Variants in ENKUR observed in about 807,000 individuals in gnomAD.
ENKUR encodes the protein enkurin.
ENKUR carries 19 observed loss-of-function variants against 27.6 expected under a neutral mutation model. The observed-to-expected ratio is 0.69, with a 90% CI of 0.48 to 1.01. ENKUR has a LOEUF of 1.01. ENKUR is among the 50% of genes least tolerant of loss of function. ENKUR has a pLI of 0.00. For synonymous variants in ENKUR, 117 were observed against 96.9 expected (o/e 1.21, Z -1.22); for missense variants, 312 against 310.5 (o/e 1.00, Z -0.04).
chr10:25,023,896 G>A (rs1411699664), intron 2 of ENKUR: 1 of 1,614,206 alleles, frequency 6.2e-7, no homozygotes, highest in East Asian at 2.2e-5. Context: ...AAGATACCAA[G>A]ATGTGGACTC....
At chr10:25,055,450 A>G (rs1041339809) in intron 2 of ENKUR, among the ~76,000 whole-genome samples, 1 of 151,300 alleles carries the variant, frequency 6.6e-6, no homozygotes, top group African/African-American at 2.4e-5. Context: ...TGAAAGGCCT[A>G]CACTTCCCAA....
chr10:25,032,440 GTC>G lies in ENKUR; in HGVS notation c.37+28670_37+28671del, dbSNP rs907465483. On this transcript the variant is annotated intron_variant, in intron 2 of 5. Transcript: ENST00000615958. ...TATGCCTAATATCCCAGAATTTGAA[GTC>G]TCTCCGTAGAATAAGCGCTTAATCC... 6.6e-5 allele frequency among the ~76,000 whole-genome samples: 10 copies of G among 152,072 alleles called. 1 individual carries two copies. Among genetic ancestry groups the G allele is most frequent in the Non-Finnish European group, 1.2e-4 (8 of 68,014 alleles).
chr10:24,989,889 C>T (rs1415720710), intron 4 of ENKUR, among the ~76,000 whole-genome samples: 1 of 152,036 alleles, frequency 6.6e-6, no homozygotes, highest in Admixed American at 6.6e-5. Flanking sequence ...TCTTACACCC[C>T]CTAATATTTT....
At position 24,990,454 on chromosome 10, in the gene ENKUR, A is replaced by T. The variant is rs761545853; in HGVS notation, c.594+9T>A. On this transcript the variant is annotated intron_variant, in intron 4 of 5. Transcript: ENST00000331161. ...AGTTACAGATGAATGTAAATGGCAG[A>T]ACACACACCTGCAAAACTGCCTCCC... 1.2e-6 allele frequency: 2 copies of T among 1,605,560 alleles called. No individual in the cohort carries two copies. Among genetic ancestry groups the T allele is most frequent in the Non-Finnish European group, 1.7e-6 (2 of 1,177,834 alleles).
chr10:25,019,922 T>A (rs2132745963), upstream of ENKUR, among the ~76,000 whole-genome samples: 1 of 152,282 alleles, frequency 6.6e-6, no homozygotes, highest in Middle Eastern at 3.4e-3. Context: ...TGTGTAATGC[T>A]TTGGTGAAGT....
At chr10:25,061,193 C>T (rs1851322609) in exon 2 of ENKUR, 2 of 1,527,678 alleles carry the variant, frequency 1.3e-6, no homozygotes, top group Non-Finnish European at 1.8e-6. Context: ...AGGTGTTGGA[C>T]ACGTGTGGCC....
At chr10:25,061,606 A>G (rs767279438) in intron 1 of ENKUR, among the ~76,000 whole-genome samples, 18 of 152,164 alleles carry the variant, frequency 1.2e-4, no homozygotes, top group Non-Finnish European at 1.6e-4. Flanking sequence ...CTATGGCTAA[A>G]CCCAGTCTCA....
chr10:25,056,117 GGCTCAGGAAGGTTAATCA>G (rs1851253173), intron 2 of ENKUR, among the ~76,000 whole-genome samples: 2 of 152,176 alleles, frequency 1.3e-5, no homozygotes, highest in African/African-American at 4.8e-5. Flanking sequence ...AGAAAACTGA[GGCTCAGGAAGGTTAATCA>G]GCTAGCCTGA....
intron 1 of ENKUR, among the ~76,000 whole-genome samples, chr10:25,005,262 T>G (rs573518819): frequency 1.5e-4 from 23 of 152,296 alleles, no homozygotes; most frequent in Admixed American, 1.2e-3. Flanking sequence ...TAAGTTATTC[T>G]CAAACTAAAA....
At chr10:25,048,806 G>A (rs1245687199) in intron 2 of ENKUR, among the ~76,000 whole-genome samples, 1 of 152,066 alleles carries the variant, frequency 6.6e-6, no homozygotes, top group African/African-American at 2.4e-5. Context: ...ATCTCTTGCA[G>A]TTGAGGTCTT....
At chr10:25,054,833 A>T (rs1339059460) in intron 2 of ENKUR, among the ~76,000 whole-genome samples, 1 of 151,822 alleles carries the variant, frequency 6.6e-6, no homozygotes, top group East Asian at 1.9e-4. Context: ...CATGCCACAA[A>T]GCCTGGCTAG....
intron 2 of ENKUR, chr10:25,025,891 A>C (rs1396512420): frequency 5.9e-6 from 1 of 169,708 alleles, no homozygotes; most frequent in Non-Finnish European, 1.4e-5. Flanking sequence ...AGGAAGTAGT[A>C]AACTCTTCTA....
chr10:25,056,274 A>T (rs1851254628), intron 2 of ENKUR, among the ~76,000 whole-genome samples: 1 of 152,212 alleles, frequency 6.6e-6, no homozygotes, highest in Non-Finnish European at 1.5e-5. Flanking sequence ...TATAGGCTGT[A>T]TACAGAGATG....
chr10:25,040,265 C>G (rs2130469763), intron 2 of ENKUR, among the ~76,000 whole-genome samples: 1 of 152,134 alleles, frequency 6.6e-6, no homozygotes, highest in East Asian at 1.9e-4. Context: ...AGATTTCACT[C>G]CTTGATAGAA....
At chr10:24,987,477 T>C (rs1037269318) in intron 4 of ENKUR, among the ~76,000 whole-genome samples, 3 of 150,752 alleles carry the variant, frequency 2.0e-5, no homozygotes, top group African/African-American at 4.9e-5. Context: ...TCTCTAAAAA[T>C]AAAAAAATGA....
chr10:24,995,375 G>T (rs1356652903), intron 3 of ENKUR, among the ~76,000 whole-genome samples: 1 of 152,106 alleles, frequency 6.6e-6, no homozygotes, highest in Non-Finnish European at 1.5e-5. Flanking sequence ...TTCAGAGAAT[G>T]TTTATTAAAA....
At chr10:25,002,063 T>C (rs1431870482) in intron 1 of ENKUR, among the ~76,000 whole-genome samples, 1 of 152,218 alleles carries the variant, frequency 6.6e-6, no homozygotes, top group Non-Finnish European at 1.5e-5. Flanking sequence ...ATTTTAAGGC[T>C]TGCTTTAAGT....
upstream of ENKUR, among the ~76,000 whole-genome samples, chr10:25,016,363 G>C (rs1850571934): frequency 6.6e-6 from 1 of 152,182 alleles, no homozygotes; most frequent in South Asian, 2.1e-4. Context: ...TGTGTATCTG[G>C]GGAAAAAAGA....
intron 1 of ENKUR, among the ~76,000 whole-genome samples, chr10:25,006,911 T>A (rs1588661149): frequency 6.6e-6 from 1 of 152,332 alleles, no homozygotes; most frequent in East Asian, 1.9e-4. Context: ...GGGATAATAC[T>A]ACTTATCCCA....
Sources: allele counts gnomAD v4.1 joint callset (sites outside exome capture counted in the v4.1 genomes callset), GRCh38; gene constraint gnomAD v4.1.1; transcripts MANE v1.5; gene names NCBI Gene and HGNC (gene_info 2026-07-23, HGNC 2026-07-21).